The following DPYD variants were observed in gnomAD, a reference collection of about 807,000 sequenced individuals.
The protein encoded by DPYD is dihydropyrimidine dehydrogenase [NADP(+)].
In DPYD, 109 loss-of-function variants were observed where a neutral mutation model predicts 116.2. The ratio of observed to expected loss-of-function variants is 0.94; its 90% CI spans 0.80 to 1.10. DPYD has a LOEUF of 1.10. Ranked by LOEUF, DPYD falls within the 50% of genes least tolerant of loss-of-function variation. The pLI is 0.00. For missense variants in DPYD, 1,302 were observed against 1,254.5 expected (o/e 1.04, Z -0.57); for synonymous variants, 440 against 432.0 (o/e 1.02, Z -0.23).
chr1:97,486,384 G>C (rs1168927848), intron 13 of DPYD, among the ~76,000 whole-genome samples: 3 of 152,068 alleles, frequency 2.0e-5, no homozygotes, highest in Admixed American at 2.0e-4. Flanking sequence ...CATTTTTGTT[G>C]TTGTTGAAAG....
rs1360775178 is a variant in DPYD at position 97,078,096 on chromosome 1, A to T, written c.*880T>A. ...ACTTAATATATATTATCAACATTATATTTTTCATTCTTGAATAATGAAGCA... is the reference window on the plus strand; with the variant it reads ...ACTTAATATATATTATCAACATTATTTTTTTCATTCTTGAATAATGAAGCA... On this transcript the variant is annotated 3_prime_UTR_variant, in exon 23 of 23. Coordinates refer to ENST00000370192, the MANE Select transcript of DPYD (RefSeq NM_000110.4). The T allele has an allele frequency of 6.6e-6, 1 of 152,130 alleles. No homozygotes were observed. The highest frequency in any genetic ancestry group is 1.5e-5 in the Non-Finnish European group (1 of 68,012). 9.4% of individuals were successfully genotyped at this position (152,130 alleles called of 1,614,324 possible).
intron 5 of DPYD, among the ~76,000 whole-genome samples, chr1:97,718,354 T>G (rs969059349): frequency 1.3e-5 from 2 of 151,942 alleles, no homozygotes; most frequent in Non-Finnish European, 2.9e-5. Context: ...TCTTGTAGAT[T>G]CTGGGTATTA....
chr1:97,405,769 G>A (rs1468577081), intron 14 of DPYD, among the ~76,000 whole-genome samples: 1 of 152,048 alleles, frequency 6.6e-6, no homozygotes, highest in Non-Finnish European at 1.5e-5. Flanking sequence ...CACCCATCTT[G>A]GCCTCCCAAA....
chr1:97,381,656 T>C (rs1183132764), intron 15 of DPYD, among the ~76,000 whole-genome samples: 1 of 152,212 alleles, frequency 6.6e-6, no homozygotes, highest in African/African-American at 2.4e-5. Flanking sequence ...TTTTATAATG[T>C]AGCGTCAATT....
intron 18 of DPYD, among the ~76,000 whole-genome samples, chr1:97,264,943 G>A (rs1375389656): frequency 6.6e-6 from 1 of 152,028 alleles, no homozygotes; most frequent in Non-Finnish European, 1.5e-5. Flanking sequence ...TCAAAGATAT[G>A]GTTATGAGAA....
At chr1:97,859,750 T>G (rs1671026922) in intron 2 of DPYD, among the ~76,000 whole-genome samples, 1 of 152,126 alleles carries the variant, frequency 6.6e-6, no homozygotes, top group Non-Finnish European at 1.5e-5. Context: ...ACCTTTCTTT[T>G]ACTCATTATT....
chr1:97,794,793 G>A (rs1337707505), intron 3 of DPYD, among the ~76,000 whole-genome samples: 1 of 152,136 alleles, frequency 6.6e-6, no homozygotes, highest in Non-Finnish European at 1.5e-5. Flanking sequence ...TTTCAGGGCA[G>A]GGTACATAGA....
intron 14 of DPYD, among the ~76,000 whole-genome samples, chr1:97,410,930 G>C (rs1164932891): frequency 1.3e-5 from 2 of 152,074 alleles, no homozygotes; most frequent in Admixed American, 1.3e-4. Context: ...GTGCCTCTCT[G>C]ATTTGAAGGA....
At chr1:97,644,024 T>TAC (rs952151634) in intron 8 of DPYD, among the ~76,000 whole-genome samples, 58 of 152,210 alleles carry the variant, frequency 3.8e-4, no homozygotes, top group African/African-American at 1.3e-3. Flanking sequence ...ATGGCACGTG[T>TAC]GTACCTATGT....
At chr1:97,178,270 G>C (rs1657425123) in intron 20 of DPYD, among the ~76,000 whole-genome samples, 1 of 152,102 alleles carries the variant, frequency 6.6e-6, no homozygotes, top group Admixed American at 6.6e-5. Flanking sequence ...TGCAGAAAAG[G>C]AAGTGAAGAA....
intron 3 of DPYD, chr1:97,797,870 T>G (rs1169299160): frequency 1.3e-5 from 2 of 152,120 alleles, no homozygotes; most frequent in Admixed American, 1.3e-4. Flanking sequence ...GACTGCATCC[T>G]AAGATTTATG....
chr1:97,828,611 TA>T lies in DPYD; in HGVS notation c.151-416del, dbSNP rs571173156. Among the ~76,000 whole-genome samples the T allele has an allele frequency of 2.6e-4, 39 of 152,094 alleles. 1 individual carries two copies. In the East Asian group the frequency reaches 7.5e-3, roughly 29 times the overall value. ...TTTGATCACCATAAACAGTATACAA[TA>T]AATACCAAGTTCTAAATAAGCTAGC... On this transcript the variant is annotated intron_variant, in intron 2 of 22. Transcript: ENST00000370192.
chr1:97,845,300 A>G (rs1216097564), intron 2 of DPYD, among the ~76,000 whole-genome samples: 2 of 152,120 alleles, frequency 1.3e-5, no homozygotes, highest in Non-Finnish European at 1.5e-5. Flanking sequence ...ATCAGCACAC[A>G]CTTACTCCCT....
intron 8 of DPYD, among the ~76,000 whole-genome samples, chr1:97,637,154 A>G (rs1474125595): frequency 6.6e-6 from 1 of 152,178 alleles, no homozygotes. Context: ...TACAGCTACC[A>G]TAAATCCTCT....
chr1:97,484,797 G>T (rs1441873356), intron 13 of DPYD, among the ~76,000 whole-genome samples: 1 of 152,022 alleles, frequency 6.6e-6, no homozygotes, highest in Non-Finnish European at 1.5e-5. Flanking sequence ...TTTCTTCTTT[G>T]ATTTGTCAAT....
chr1:97,703,670 A>T (rs1002296484), intron 5 of DPYD, among the ~76,000 whole-genome samples: 1 of 152,178 alleles, frequency 6.6e-6, no homozygotes, highest in East Asian at 1.9e-4. Flanking sequence ...TCAAGTGCTC[A>T]ATAACTACAT....
rs960973343 is a variant in DPYD, at chr1:97,726,325, A to C, written c.322-4654T>G. ...CCTTAGTATGATAATAAAAAGACAC[A>C]GTCATCTCCTTGACCTGACTTTCTG... On this transcript the variant is annotated intron_variant, in intron 4 of 22. Transcript: ENST00000370192. Among the ~76,000 whole-genome samples the C allele has an allele frequency of 2.0e-5, 3 of 151,660 alleles. No individual in the cohort carries two copies. In the Admixed American group the frequency reaches 2.0e-4, roughly 10 times the overall value.
intron 13 of DPYD, among the ~76,000 whole-genome samples, chr1:97,504,442 C>T (rs1256274132): frequency 6.6e-6 from 1 of 151,926 alleles, no homozygotes; most frequent in Non-Finnish European, 1.5e-5. Context: ...TCACCTTAAG[C>T]TCTGTTCAAT....
chr1:97,420,663 G>T (rs958244920), intron 14 of DPYD, among the ~76,000 whole-genome samples: 2 of 152,066 alleles, frequency 1.3e-5, no homozygotes, highest in African/African-American at 4.8e-5. Flanking sequence ...CAACCATCAT[G>T]TCTGCTATTC....
Sources: gnomAD v4.1 joint callset for allele counts (sites outside exome capture counted in the v4.1 genomes callset) on GRCh38, gnomAD v4.1.1 for gene constraint, MANE v1.5 for transcripts, NCBI Gene and HGNC (gene_info 2026-07-23, HGNC 2026-07-21) for gene names.